SLC18A2: variants seen among roughly 807,000 people sequenced by gnomAD.
SLC18A2 encodes the protein synaptic vesicular amine transporter.
A neutral mutation model predicts 59.2 loss-of-function variants in SLC18A2; 33 were observed. That is an observed-to-expected ratio of 0.56 (90% CI 0.42 to 0.75). The LOEUF is 0.75. Ranked by LOEUF, SLC18A2 falls within the 30% of genes least tolerant of loss-of-function variation. The pLI, the probability that SLC18A2 is intolerant of heterozygous loss-of-function variation, is 0.00. For synonymous variants in SLC18A2, 228 were observed against 253.5 expected (o/e 0.90, Z 0.95); for missense variants, 569 against 668.6 (o/e 0.85, Z 1.64).
intron 3 of SLC18A2, among the ~76,000 whole-genome samples, 181 bp downstream of exon 3, chr10:117,244,494 C>A (rs2133726192): frequency 6.6e-6 from 1 of 152,362 alleles, no homozygotes; most frequent in South Asian, 2.1e-4. Flanking sequence ...ATTTCCTATT[C>A]TATTCTCCCT....
rs1844400916 is a variant in SLC18A2 at position 117,269,631 on chromosome 10, A to G, written c.1187-440A>G. ...TGCTCATGATTGGCTGCTGTGAGCC[A>G]GTGTCTGTGAACACACTGGCAGGGA... is the stretch of plus-strand genomic sequence containing the variant. On this transcript the variant is annotated intron_variant, in intron 13 of 15. Transcript: ENST00000644641. The surrounding 1 kb of genome is among the most constrained non-coding windows in gnomAD (Gnocchi z 5.1). 1.3e-5 allele frequency among the ~76,000 whole-genome samples: 2 copies of G among 152,252 alleles called. No homozygotes were observed. The highest frequency in any genetic ancestry group is 4.2e-4 in the South Asian group (2 of 4,816).
Position 117,277,145 on chromosome 10 carries a change from A to T in SLC18A2, c.1441-17A>T. ...TGAAACAAGAAGTTAATATACTTGC[A>T]CTTTGCTCTCTTTTAGGCTATTCTC... On this transcript the variant is annotated splice_polypyrimidine_tract_variant and intron_variant, in intron 15 of 15. Transcript: ENST00000644641. 7.4e-7 allele frequency: 1 copy of T among 1,355,190 alleles called. No homozygotes were observed. Among genetic ancestry groups the T allele is most frequent in the Non-Finnish European group, 1.0e-6 (1 of 956,912 alleles). The allele number at this position is 1,355,190 out of a possible 1,614,324, so 83.9% of individuals were successfully genotyped here.
At chr10:117,249,581 G>T (rs930449889) in intron 3 of SLC18A2, among the ~76,000 whole-genome samples, 4 of 152,142 alleles carry the variant, frequency 2.6e-5, no homozygotes, top group African/African-American at 9.7e-5. Context: ...TGCACCCTTC[G>T]GGGCTCTGTA....
chr10:117,271,331 A>C (rs1246551924), intron 15 of SLC18A2, among the ~76,000 whole-genome samples: 2 of 152,242 alleles, frequency 1.3e-5, no homozygotes, highest in Non-Finnish European at 2.9e-5. Context: ...GAAGTACATC[A>C]GAAGGTCTTT....
intron 3 of SLC18A2, among the ~76,000 whole-genome samples, chr10:117,245,742 T>G: frequency 6.8e-6 from 1 of 147,012 alleles, no homozygotes; most frequent in Admixed American, 6.8e-5. Flanking sequence ...AAGCCTGGGG[T>G]GGTGGCTGGG....
intron 10 of SLC18A2, among the ~76,000 whole-genome samples, chr10:117,259,451 G>A (rs190543407): frequency 3.8e-3 from 582 of 152,208 alleles, no homozygotes; most frequent in Non-Finnish European, 6.6e-3. Context: ...TCTGTTTCCT[G>A]TATTCCTTGC....
intron 11 of SLC18A2, 23 bp downstream of exon 11, chr10:117,266,834 C>A: frequency 6.3e-7 from 1 of 1,593,628 alleles, no homozygotes; most frequent in Non-Finnish European, 8.6e-7. Flanking sequence ...GAAAACAACA[C>A]TCATTCTGTT....
Position 117,255,522 on chromosome 10 carries a change from G to C in SLC18A2, c.834G>C (p.Glu278Asp). The C allele has an allele frequency of 6.2e-7, 1 of 1,614,158 alleles. No individual in the cohort carries two copies. Among genetic ancestry groups the C allele is most frequent in the Non-Finnish European group, 8.5e-7 (1 of 1,180,038 alleles). ...TCCAGCCGTCCCGGGTGCAGCCAGA[G>C]GTAAGCGGCTGGGAATGAGGGCCCT... is the stretch of plus-strand genomic sequence containing the variant. The part of the protein sequence containing the change: ...FVLQPSRVQP[E>D]SQKGTPLTTL... Residue 278 changes from glutamate (E) to aspartate (D), a missense_variant and splice_region_variant, in exon 8 of 16, where the codon GAG (glutamate) becomes GAC (aspartate). By Grantham distance (45) the Glu-to-Asp change is conservative. Coordinates refer to ENST00000644641, the MANE Select transcript of SLC18A2 (RefSeq NM_003054.6).
Position 117,270,316 on chromosome 10 carries a change from C to T in SLC18A2, c.1307-14C>T. Reference sequence around the variant, plus strand: ...ATTTGGAAGAGCTTTATCTAATTCTCTGTTTCCTGAAAGGTCCTTCTGCTG... The same window carrying T: ...ATTTGGAAGAGCTTTATCTAATTCTTTGTTTCCTGAAAGGTCCTTCTGCTG... On this transcript the variant is annotated splice_polypyrimidine_tract_variant and intron_variant, in intron 14 of 15. Coordinates refer to ENST00000644641, the MANE Select transcript of SLC18A2 (RefSeq NM_003054.6). The T allele has an allele frequency of 6.2e-7, 1 of 1,614,134 alleles. No homozygotes were observed. Among genetic ancestry groups the T allele is most frequent in the Non-Finnish European group, 8.5e-7 (1 of 1,180,022 alleles).
intron 10 of SLC18A2, among the ~76,000 whole-genome samples, chr10:117,264,299 C>T (rs1212668242): frequency 6.6e-6 from 1 of 152,196 alleles, no homozygotes; most frequent in African/African-American, 2.4e-5. Context: ...TTCTCAGAGT[C>T]GGGAGAAGCC....
chr10:117,258,392 A>T (rs1483151950), intron 10 of SLC18A2, among the ~76,000 whole-genome samples: 1 of 151,972 alleles, frequency 6.6e-6, no homozygotes, highest in Non-Finnish European at 1.5e-5. Context: ...TAACAGTTCT[A>T]TGTCTTTTTC....
At chr10:117,266,855 A>G (rs138829786) in intron 11 of SLC18A2, 44 bp downstream of exon 11, 9 of 1,572,312 alleles carry the variant, frequency 5.7e-6, no homozygotes, top group Non-Finnish European at 7.8e-6. Flanking sequence ...ACAATAATGT[A>G]GTTCTTTCAA....
intron 2 of SLC18A2, 99 bp from the exon 3 acceptor site, chr10:117,243,872 C>T: frequency 1.1e-6 from 1 of 922,336 alleles, no homozygotes; most frequent in Admixed American, 2.5e-5. Flanking sequence ...AGGTGTGAGC[C>T]ACTGCTCCCT....
rs544275599 is a variant in SLC18A2 at position 117,255,138 on chromosome 10, G to A, written c.701-139G>A. On this transcript the variant is annotated intron_variant, in intron 6 of 15. Coordinates refer to ENST00000644641, the MANE Select transcript of SLC18A2 (RefSeq NM_003054.6). ...TTGCCAAGACAACTGAACTCTAACC[G>A]AACAGAACAATAGGGCAGCCACCCC... The A allele has an allele frequency of 1.3e-5, 10 of 759,220 alleles. No individual in the cohort carries two copies. In the South Asian group the frequency reaches 1.8e-4, roughly 14 times the overall value. 47.0% of individuals were successfully genotyped at this position (759,220 alleles called of 1,614,324 possible).
intron 15 of SLC18A2, among the ~76,000 whole-genome samples, chr10:117,275,749 C>T (rs1392058346): frequency 1.3e-5 from 2 of 152,170 alleles, no homozygotes; most frequent in Admixed American, 6.5e-5. Context: ...TAAGCAAATA[C>T]TATTGGACAA....
At chr10:117,272,205 A>G (rs1312189173) in intron 15 of SLC18A2, among the ~76,000 whole-genome samples, 1 of 151,940 alleles carries the variant, frequency 6.6e-6, no homozygotes, top group Non-Finnish European at 1.5e-5. Context: ...CCTATTTCCA[A>G]TATCACCCCA....
chr10:117,277,370 G>A lies in SLC18A2; in HGVS notation c.*104G>A, dbSNP rs899102911. ...CTTAGTCATACCATCCATCCCTGGT[G>A]AAAGAGTAAAACCAAAGGTTATTAT... On this transcript the variant is annotated 3_prime_UTR_variant, in exon 16 of 16. Coordinates refer to ENST00000644641, the MANE Select transcript of SLC18A2 (RefSeq NM_003054.6). The A allele has an allele frequency of 1.6e-6, 1 of 622,304 alleles. No homozygotes were observed. Among genetic ancestry groups the A allele is most frequent in the African/African-American group, 1.9e-5 (1 of 53,062 alleles). 38.5% of individuals were successfully genotyped at this position (622,304 alleles called of 1,614,324 possible).
Position 117,244,034 on chromosome 10 carries a change from C to T in SLC18A2, c.185C>T (p.Thr62Met), listed in dbSNP as rs140529367. 8.7e-5 allele frequency: 140 copies of T among 1,614,038 alleles called. 1 individual carries two copies. Among genetic ancestry groups the T allele is most frequent in the Admixed American group, 1.0e-4 (6 of 60,008 alleles). The change falls in exon 3 of 16, where the codon ACG becomes ATG. Residue 62 changes from threonine to methionine, a missense_variant. Coordinates refer to ENST00000644641, the MANE Select transcript of SLC18A2 (RefSeq NM_003054.6). ...GAGAAGAATGCTACAGAAATCCAGA[C>T]GGCCAGGCCAGTGCACACTGCCTCC... ...KHEKNATEIQ[T>M]ARPVHTASIS...
rs1310062087 is a variant in SLC18A2 at position 117,244,181 on chromosome 10, C to T, written c.332C>T (p.Ser111Phe). The change falls in exon 3 of 16, where the codon TCC (serine) becomes TTC (phenylalanine). Residue 111 changes from serine to phenylalanine, a missense_variant. Ser to Phe is a radical substitution (Grantham distance 155, BLOSUM62 -2). Transcript: ENST00000644641. ...TATQHMVTNASAVPSDCPSED... is the reference protein window; with the variant it reads ...TATQHMVTNAFAVPSDCPSED... ...ACACAGCACATGGTGACCAACGCGTCCGCTGTTCCTTCCGACTGTCCCAGT... is the reference window on the plus strand; with the variant it reads ...ACACAGCACATGGTGACCAACGCGTTCGCTGTTCCTTCCGACTGTCCCAGT... 2.5e-6 allele frequency: 4 copies of T among 1,614,102 alleles called. No homozygotes were observed. In the African/African-American group the frequency reaches 5.3e-5, roughly 22 times the overall value.
Sources: gnomAD v4.1 joint callset for allele counts (sites outside exome capture counted in the v4.1 genomes callset) on GRCh38, gnomAD v4.1.1 for gene constraint, Gnocchi (gnomAD v3.1) non-coding constraint, MANE v1.5 for transcripts, NCBI Gene and HGNC (gene_info 2026-07-23, HGNC 2026-07-21) for gene names.